The following CCDC141 variants were observed in gnomAD, a reference collection of about 807,000 sequenced individuals.
CCDC141 encodes coiled-coil domain containing 141.
In CCDC141, 168 loss-of-function variants were observed where a neutral mutation model predicts 181.0. That is an observed-to-expected ratio of 0.93 (90% confidence interval 0.82 to 1.05). The LOEUF (loss-of-function observed/expected upper bound fraction) is 1.05, where lower values mean the gene tolerates loss of function less well. Among genes scored for constraint, CCDC141 ranks in the 50% least tolerant of loss-of-function variants. The pLI is 0.00. For missense variants in CCDC141, 1,902 were observed against 1,788.5 expected (o/e 1.06, Z -1.14); for synonymous variants, 666 against 642.3 (o/e 1.04, Z -0.56).
intron 11 of CCDC141, among the ~76,000 whole-genome samples, chr2:178,879,758 C>A (rs1214689443): frequency 3.3e-5 from 5 of 152,200 alleles, no homozygotes; most frequent in African/African-American, 4.8e-5. Flanking sequence ...GACGTTTGAT[C>A]TGTGTCTTGA....
chr2:178,861,198 A>C, intron 17 of CCDC141, among the ~76,000 whole-genome samples: 1 of 149,146 alleles, frequency 6.7e-6, no homozygotes, highest in African/African-American at 2.5e-5. Context: ...ATAGAGTCTC[A>C]CTCTCTTGTC....
intron 2 of CCDC141, among the ~76,000 whole-genome samples, chr2:179,033,261 T>C (rs2043050399): frequency 6.6e-6 from 1 of 151,798 alleles, no homozygotes; most frequent in African/African-American, 2.4e-5. Context: ...TTAATACAAA[T>C]ATGAAACCAA....
chr2:178,951,508 T>C (rs572434302), intron 5 of CCDC141, among the ~76,000 whole-genome samples: 1 of 152,368 alleles, frequency 6.6e-6, no homozygotes, highest in East Asian at 1.9e-4. Flanking sequence ...GATGTCTTAA[T>C]CTTTTTAAAG....
intron 20 of CCDC141, among the ~76,000 whole-genome samples, chr2:178,852,775 T>C (rs752896991): frequency 3.9e-5 from 6 of 152,230 alleles, no homozygotes; most frequent in Admixed American, 6.5e-5. Flanking sequence ...ATGGAACTTA[T>C]TCCTCAGAAC....
intron 2 of CCDC141, among the ~76,000 whole-genome samples, chr2:179,008,491 C>T (rs576439226): frequency 8.9e-4 from 135 of 152,292 alleles, no homozygotes; most frequent in Middle Eastern, 3.4e-3. Context: ...TTGATGTGCT[C>T]AAACCTCACT....
intron 2 of CCDC141, among the ~76,000 whole-genome samples, chr2:179,025,542 T>G (rs1375365985): frequency 1.3e-5 from 2 of 152,212 alleles, no homozygotes; most frequent in African/African-American, 2.4e-5. Flanking sequence ...CCCAGCCACA[T>G]GGAACTGTAA....
At chr2:179,016,535 T>C (rs1575351871) in intron 2 of CCDC141, among the ~76,000 whole-genome samples, 1 of 152,090 alleles carries the variant, frequency 6.6e-6, no homozygotes, top group Non-Finnish European at 1.5e-5. Flanking sequence ...CATCTTCACA[T>C]AAGCTTCTAG....
chr2:178,909,907 T>G (rs56005624), intron 7 of CCDC141, among the ~76,000 whole-genome samples: 18,719 of 152,172 alleles, frequency 0.12, 1,183 homozygotes, highest in African/African-American at 0.14. Flanking sequence ...AAAGCTACTA[T>G]GACTGGATTG....
At chr2:178,975,338 T>C (rs1460872338) in intron 3 of CCDC141, among the ~76,000 whole-genome samples, 173 bp from the exon 4 acceptor site, 1 of 152,122 alleles carries the variant, frequency 6.6e-6, no homozygotes, top group Non-Finnish European at 1.5e-5. Context: ...AGTGTTTGCA[T>C]GAGGGTGTGT....
intron 5 of CCDC141, among the ~76,000 whole-genome samples, chr2:178,947,741 G>A (rs148840289): frequency 6.6e-6 from 1 of 152,316 alleles, no homozygotes; most frequent in East Asian, 1.9e-4. Context: ...AAGTTAAAGT[G>A]GGGTGGCAGG....
intron 6 of CCDC141, among the ~76,000 whole-genome samples, chr2:178,943,195 G>A (rs1689591281): frequency 1.3e-5 from 2 of 152,040 alleles, no homozygotes; most frequent in African/African-American, 4.8e-5. Context: ...GATAAAACTT[G>A]AGTTTGATAC....
intron 22 of CCDC141, among the ~76,000 whole-genome samples, chr2:178,837,950 T>C (rs915308981): frequency 1.3e-5 from 2 of 152,190 alleles, no homozygotes; most frequent in African/African-American, 2.4e-5. Context: ...GGAATCATTA[T>C]AAAGACCTCA....
intron 11 of CCDC141, among the ~76,000 whole-genome samples, chr2:178,878,903 G>A (rs1262799347): frequency 2.0e-5 from 3 of 152,050 alleles, no homozygotes; most frequent in African/African-American, 7.2e-5. Flanking sequence ...AAATCAGTAA[G>A]AAATACAGGC....
At chr2:178,982,202 T>G (rs1435067934) in intron 2 of CCDC141, among the ~76,000 whole-genome samples, 1 of 152,174 alleles carries the variant, frequency 6.6e-6, no homozygotes, top group Non-Finnish European at 1.5e-5. Flanking sequence ...ACTGGTGAAT[T>G]CTACCAAATG....
Position 178,872,212 on chromosome 2 carries a change from C to G in CCDC141, c.2000G>C (p.Arg667Pro). 6.2e-7 allele frequency: 1 copy of G among 1,613,960 alleles called. No individual in the cohort carries two copies. The highest frequency in any genetic ancestry group is 1.1e-5 in the South Asian group (1 of 91,070). ...CGTGGCTTTAAGCTGCCATGCCAGC[C>G]GAAGGAGGCTAAGTTCTTCCCGTTC... ...KAEREELSLL[R>P]LAWQLKATES... The change falls in exon 13 of 24, where the codon CGG becomes CCG. Residue 667 changes from arginine (R) to proline (P), a missense_variant. Physicochemically the swap from Arg to Pro is moderately radical, Grantham distance 103. Coordinates refer to ENST00000443758, the MANE Select transcript of CCDC141 (RefSeq NM_173648.4).
intron 6 of CCDC141, among the ~76,000 whole-genome samples, chr2:178,932,897 C>G (rs1689153552): frequency 6.6e-6 from 1 of 152,080 alleles, no homozygotes; most frequent in Non-Finnish European, 1.5e-5. Flanking sequence ...TGCTTTACTT[C>G]CTTATCCTAT....
chr2:179,038,894 A>C (rs2043216411), intron 2 of CCDC141, among the ~76,000 whole-genome samples: 2 of 152,186 alleles, frequency 1.3e-5, no homozygotes, highest in Admixed American at 6.5e-5. Flanking sequence ...TCCCCTAGAC[A>C]ATAGCAATGT....
rs114394038 is a variant in CCDC141, at chr2:179,015,382, T to C, written c.225+31902A>G. The stretch of plus-strand genomic sequence containing the variant: ...ATCCCATATATGTATCATATATATC[T>C]CATATATGTATCATATATCTCATAT... On this transcript the variant is annotated intron_variant, in intron 2 of 23. Transcript: ENST00000443758. Among the ~76,000 whole-genome samples, 370 of 126,666 alleles carry C rather than the reference T, an allele frequency of 2.9e-3. 1 individual carries two copies. The highest frequency in any genetic ancestry group is 8.1e-3 in the African/African-American group (279 of 34,524). The allele number at this position is 126,666 out of a possible 152,430, so 83.1% of individuals were successfully genotyped here. A position where few individuals can be genotyped will look rare whatever the true frequency, so the allele number is the denominator to read the frequency against.
intron 2 of CCDC141, among the ~76,000 whole-genome samples, chr2:178,997,937 T>C (rs1230083424): frequency 6.6e-6 from 1 of 152,148 alleles, no homozygotes; most frequent in East Asian, 1.9e-4. Flanking sequence ...CGGCTGTAGA[T>C]GGATTTCTTG....
Sources: allele counts gnomAD v4.1 joint callset (sites outside exome capture counted in the v4.1 genomes callset), GRCh38; gene constraint gnomAD v4.1.1; transcripts MANE v1.5; gene names NCBI Gene and HGNC (gene_info 2026-07-23, HGNC 2026-07-21).